The following MTO1 variants were observed in gnomAD, a reference collection of about 807,000 sequenced individuals.
The protein encoded by MTO1 is 5-taurinomethyluridine-[tRNA] synthase subunit MTO1, mitochondrial.
MTO1 carries 46 observed loss-of-function variants against 71.6 expected under a neutral mutation model. The ratio of observed to expected loss-of-function variants is 0.64; its 90% CI spans 0.51 to 0.82. The LOEUF is 0.82. Among genes scored for constraint, MTO1 ranks in the 40% least tolerant of loss-of-function variants. The pLI is 0.00. For synonymous variants in MTO1, 297 were observed against 312.1 expected (o/e 0.95, Z 0.51); for missense variants, 773 against 867.5 (o/e 0.89, Z 1.37).
intron 9 of MTO1, chr6:73,487,552 G>T (rs1582692289): frequency 7.3e-6 from 1 of 136,446 alleles, no homozygotes; most frequent in East Asian, 2.1e-4. Context: ...GTAGGTCTCT[G>T]TGGGTTTTTT....
chr6:73,499,032 C>G (rs1486646040), intron 11 of MTO1, among the ~76,000 whole-genome samples: 1 of 151,974 alleles, frequency 6.6e-6, no homozygotes, highest in East Asian at 1.9e-4. Flanking sequence ...TGGCCAGTTG[C>G]ATCTTTACTA....
chr6:73,474,675 T>C lies in MTO1; in HGVS notation c.825+1021T>C, dbSNP rs1771258298. Among the ~76,000 whole-genome samples the C allele has an allele frequency of 3.9e-5, 6 of 152,082 alleles. No individual in the cohort carries two copies. The South Asian group carries it at 1.2e-3, about 32-fold the overall frequency. On this transcript the variant is annotated intron_variant, in intron 4 of 11. Transcript: ENST00000498286. ...GTTGGCCAGGCTGGTTTTGAACTCC[T>C]GACCTTAGGTGATCCGCCTGCCTCA...
intron 9 of MTO1, among the ~76,000 whole-genome samples, chr6:73,491,178 C>G (rs1771792232): frequency 6.6e-6 from 1 of 151,820 alleles, no homozygotes; most frequent in Non-Finnish European, 1.5e-5. Flanking sequence ...TTTAGCCCAT[C>G]CAGAGTGGGT....
intron 6 of MTO1, 127 bp from the exon 7 acceptor site, chr6:73,480,548 G>T (rs192703057): frequency 8.2e-7 from 1 of 1,212,252 alleles, no homozygotes; most frequent in African/African-American, 1.5e-5. Context: ...GAGATTACAG[G>T]TGTGAGCCAC....
intron 1 of MTO1, 81 bp downstream of exon 1, chr6:73,462,152 C>A (rs1343922464): frequency 7.0e-7 from 1 of 1,434,270 alleles, no homozygotes; most frequent in East Asian, 2.3e-5. Flanking sequence ...AAGCGGGGGA[C>A]CTCTTCCTTT....
rs1771212951 is a variant in MTO1, at chr6:73,473,495, T to C, written c.666T>C (p.Ala222=). 4 of 1,613,990 alleles carry C rather than the reference T, an allele frequency of 2.5e-6. No homozygotes were observed. The highest frequency in any genetic ancestry group is 1.6e-4 in the Middle Eastern group (1 of 6,084). Residue 222 remains alanine (A), a synonymous_variant, in exon 4 of 12, where the codon GCT becomes GCC. Transcript: ENST00000498286. Reference sequence around the variant, plus strand: ...GGGATCAGCCTTCTATAGGATTGGCTCAGACACTGGAGAAGTTAGGGTTTG... The same window carrying C: ...GGGATCAGCCTTCTATAGGATTGGCCCAGACACTGGAGAAGTTAGGGTTTG... ...RLGDQPSIGL[A]QTLEKLGFVV...
intron 11 of MTO1, 93 bp from the exon 12 acceptor site, chr6:73,500,481 A>T (rs1454630181): frequency 9.9e-7 from 1 of 1,005,144 alleles, no homozygotes; most frequent in Non-Finnish European, 1.4e-6. Flanking sequence ...AATATTGTAT[A>T]AACTATACTA....
At chr6:73,480,885 T>A (rs1199103181) in intron 7 of MTO1, 80 bp downstream of exon 7, 1 of 1,441,752 alleles carries the variant, frequency 6.9e-7, no homozygotes, top group South Asian at 1.3e-5. Flanking sequence ...TTGTGTTAAC[T>A]ATGTAGATCT....
At chr6:73,469,191 C>T (rs116805077) in intron 3 of MTO1, among the ~76,000 whole-genome samples, 1,672 of 151,990 alleles carry the variant, frequency 0.011, 25 homozygotes, top group African/African-American at 0.035. Flanking sequence ...TTTTTGGAGA[C>T]GTGGGATCTC....
intron 3 of MTO1, among the ~76,000 whole-genome samples, chr6:73,469,201 C>G (rs982714706): frequency 3.9e-5 from 6 of 151,994 alleles, no homozygotes; most frequent in Admixed American, 1.3e-4. Flanking sequence ...CGTGGGATCT[C>G]CCTATGTTGC....
intron 4 of MTO1, among the ~76,000 whole-genome samples, chr6:73,476,766 C>T (rs945731256): frequency 1.7e-4 from 26 of 151,366 alleles, no homozygotes; most frequent in African/African-American, 3.2e-4. Context: ...ATTCAGAGTA[C>T]GATGCAGGGA....
rs1064793196 is a variant in MTO1, at chr6:73,466,221, G to A, written c.230G>A (p.Cys77Tyr). ...CTATTATCTTTAGGTCAGATGTCAT[G>A]TAATCCTTCCTTTGGTGGCATCGGA... ...HRVDTIGQMS[C>Y]NPSFGGIGKG... Residue 77 changes from cysteine (C) to tyrosine (Y), a missense_variant, in exon 2 of 12, where the codon TGT becomes TAT. By Grantham distance (194) the Cys-to-Tyr change is radical. Transcript: ENST00000498286. 2 of 1,613,258 alleles carry A rather than the reference G, an allele frequency of 1.2e-6. No homozygotes were observed. The highest frequency in any genetic ancestry group is 1.7e-6 in the Non-Finnish European group (2 of 1,179,188).
At position 73,497,738 on chromosome 6, in the gene MTO1, ACT is replaced by A. The variant is rs780520460; in HGVS notation, c.1760_1761del (p.Thr587IlefsTer2). 1 of 1,609,970 alleles carries A rather than the reference ACT, an allele frequency of 6.2e-7. No individual in the cohort carries two copies. Among genetic ancestry groups the A allele is most frequent in the East Asian group, 2.2e-5 (1 of 44,754 alleles). On this transcript the variant is annotated frameshift_variant, in exon 11 of 12. Transcript: ENST00000498286. LOFTEE classifies it high-confidence loss of function. ...ELAERLKIEA[T>X]YESVLFHQLQ... is the part of the protein sequence containing the mutation. Reference sequence around the variant, plus strand: ...ATGATTCTGATTTTGTTGACCAGCCACTTATGAATCAGTGTTGTTCCATCAAC... The same window carrying A: ...ATGATTCTGATTTTGTTGACCAGCCATATGAATCAGTGTTGTTCCATCAAC...
intron 9 of MTO1, chr6:73,487,694 C>T (rs1269811486): frequency 6.6e-6 from 1 of 151,630 alleles, no homozygotes; most frequent in Non-Finnish European, 1.5e-5. Flanking sequence ...CCTGGGCTGG[C>T]TCACGCCTTC....
chr6:73,490,692 A>G (rs929765377), intron 9 of MTO1, among the ~76,000 whole-genome samples: 3 of 151,688 alleles, frequency 2.0e-5, no homozygotes, highest in East Asian at 3.9e-4. Context: ...TTGTGATTCC[A>G]TACAAATTTT....
intron 10 of MTO1, among the ~76,000 whole-genome samples, chr6:73,497,214 G>A (rs529187430): frequency 1.5e-5 from 2 of 133,512 alleles, no homozygotes; most frequent in South Asian, 2.7e-4. Flanking sequence ...GTGCAATAGC[G>A]CTATATCGGC....
At chr6:73,496,981 G>A (rs916466787) in intron 10 of MTO1, among the ~76,000 whole-genome samples, 1 of 151,052 alleles carries the variant, frequency 6.6e-6, no homozygotes, top group Non-Finnish European at 1.5e-5. Flanking sequence ...TTGAACCTGG[G>A]ACGTGGAGGT....
At position 73,505,380 on chromosome 6, in the gene MTO1, AT is replaced by A. The variant is rs1406033999; in HGVS notation, c.*4646del. On this transcript the variant is annotated 3_prime_UTR_variant, in exon 12 of 12. Coordinates refer to ENST00000498286, the MANE Select transcript of MTO1 (RefSeq NM_012123.4). ...AGCATGGATAAACCTTGAAAAAGTT[AT>A]GCTAACTGAAATCAGCCAGTCACAA... 1 of 152,288 alleles carries A rather than the reference AT, an allele frequency of 6.6e-6. No individual in the cohort carries two copies. Among genetic ancestry groups the A allele is most frequent in the Non-Finnish European group, 1.5e-5 (1 of 68,070 alleles). The allele number at this position is 152,288 out of a possible 1,614,324, so 9.4% of individuals were successfully genotyped here. A position where few individuals can be genotyped will look rare whatever the true frequency, so the allele number is the denominator to read the frequency against.
rs762806817 is a variant in MTO1 at position 73,462,137 on chromosome 6, G to T, written c.217+66G>T. 2.0e-6 allele frequency: 3 copies of T among 1,529,556 alleles called. No homozygotes were observed. The South Asian group carries it at 3.4e-5, about 17-fold the overall frequency. 94.7% of individuals were successfully genotyped at this position (1,529,556 alleles called of 1,614,324 possible). A position where few individuals can be genotyped will look rare whatever the true frequency, so the allele number is the denominator to read the frequency against. On this transcript the variant is annotated intron_variant, in intron 1 of 11. Transcript: ENST00000498286. ...GGCTGCTTCCTTCCCGCCTCCCCCG[G>T]TCTGAAGCGGGGGACCTCTTCCTTT... is the stretch of plus-strand genomic sequence containing the variant.
Sources: allele counts gnomAD v4.1 joint callset (sites outside exome capture counted in the v4.1 genomes callset), GRCh38; gene constraint gnomAD v4.1.1; transcripts MANE v1.5; gene names NCBI Gene and HGNC (gene_info 2026-07-23, HGNC 2026-07-21).